Variants in XKR4 observed in about 807,000 individuals in gnomAD.
The protein encoded by XKR4 is XK related 4, also known as XK-related protein 4.
In XKR4, 12 loss-of-function variants were observed where a neutral mutation model predicts 53.9. The ratio of observed to expected loss-of-function variants is 0.22; its 90% confidence interval spans 0.14 to 0.36. XKR4 has a LOEUF of 0.36. Among genes scored for constraint, XKR4 ranks in the 10% least tolerant of loss-of-function variants. The pLI is 1.00. For synonymous variants in XKR4, 354 were observed against 362.4 expected (o/e 0.98, Z 0.26); for missense variants, 799 against 859.5 (o/e 0.93, Z 0.88).
At chr8:55,144,386 A>G (rs1026675398) in intron 1 of XKR4, among the ~76,000 whole-genome samples, 5 of 152,118 alleles carry the variant, frequency 3.3e-5, no homozygotes, top group African/African-American at 7.2e-5. Context: ...TAAAAAAAAA[A>G]TTCTATAATA....
intron 2 of XKR4, among the ~76,000 whole-genome samples, chr8:55,476,738 G>A (rs1229006530): frequency 1.3e-5 from 2 of 152,068 alleles, no homozygotes; most frequent in East Asian, 1.9e-4. Context: ...CACACCAGGA[G>A]ATTATATCCC....
At chr8:55,244,613 T>A (rs1282909841) in intron 1 of XKR4, among the ~76,000 whole-genome samples, 1 of 152,222 alleles carries the variant, frequency 6.6e-6, no homozygotes, top group Non-Finnish European at 1.5e-5. Flanking sequence ...AAATGGTAGT[T>A]CTGTTTTAAG....
At chr8:55,430,412 C>A (rs559389757) in intron 2 of XKR4, among the ~76,000 whole-genome samples, 2 of 152,212 alleles carry the variant, frequency 1.3e-5, no homozygotes, top group Admixed American at 6.5e-5. Context: ...TTCCTTCAAC[C>A]GGTGCATTAA....
At chr8:55,156,335 C>T (rs1001973003) in intron 1 of XKR4, among the ~76,000 whole-genome samples, 3 of 150,720 alleles carry the variant, frequency 2.0e-5, no homozygotes, top group Non-Finnish European at 2.9e-5. Flanking sequence ...CAAATGACCG[C>T]GTAAAGACTC....
chr8:55,369,518 GGA>G (rs201863082), intron 2 of XKR4, among the ~76,000 whole-genome samples: 1 of 136,924 alleles, frequency 7.3e-6, no homozygotes, highest in African/African-American at 2.8e-5. Flanking sequence ...GAAAAGGGAA[GGA>G]GAGGGAAGGA....
chr8:55,458,629 G>A (rs1805605642), intron 2 of XKR4, among the ~76,000 whole-genome samples: 1 of 152,212 alleles, frequency 6.6e-6, no homozygotes, highest in African/African-American at 2.4e-5. Context: ...GTGGGATGGG[G>A]AGCTGGAAAG....
rs766471717 is a variant in XKR4, at chr8:55,467,559, T to C, written c.1007-55722T>C. Among the ~76,000 whole-genome samples, 14 of 152,106 alleles carry C rather than the reference T, an allele frequency of 9.2e-5. 1 individual carries two copies. The highest frequency in any genetic ancestry group is 2.0e-4 in the Admixed American group (3 of 15,268). ...CCCTCCCACAAAGAATTTGCAAATT[T>C]ATTAAGATTTATGATTTAAATTGCC... is the stretch of plus-strand genomic sequence containing the variant. On this transcript the variant is annotated intron_variant, in intron 2 of 2. Transcript: ENST00000327381.
intron 1 of XKR4, among the ~76,000 whole-genome samples, chr8:55,340,306 T>C (rs982008174): frequency 6.6e-6 from 1 of 152,234 alleles, no homozygotes; most frequent in African/African-American, 2.4e-5. Context: ...CATTGGTTCT[T>C]GACACATTGT....
chr8:55,313,293 A>G (rs1819413202), intron 1 of XKR4, among the ~76,000 whole-genome samples: 1 of 152,244 alleles, frequency 6.6e-6, no homozygotes, highest in African/African-American at 2.4e-5. Context: ...GCAAGGAGCT[A>G]TAACATTGAT....
chr8:55,225,690 A>G (rs1817942820), intron 1 of XKR4, among the ~76,000 whole-genome samples: 2 of 152,236 alleles, frequency 1.3e-5, no homozygotes, highest in Admixed American at 6.5e-5. Flanking sequence ...ACATGAACGT[A>G]TGCACATCAA....
At chr8:55,377,868 T>C (rs1235888865) in intron 2 of XKR4, among the ~76,000 whole-genome samples, 1 of 152,194 alleles carries the variant, frequency 6.6e-6, no homozygotes, top group African/African-American at 2.4e-5. Flanking sequence ...TTAGATTTTC[T>C]TCAACCTTGT....
intron 1 of XKR4, among the ~76,000 whole-genome samples, chr8:55,300,660 G>C (rs544128270): frequency 2.0e-5 from 3 of 152,116 alleles, no homozygotes; most frequent in Non-Finnish European, 4.4e-5. Context: ...GCAAGCATGC[G>C]GAAATAGCCC....
At chr8:55,507,803 A>G (rs1268157038) in intron 2 of XKR4, among the ~76,000 whole-genome samples, 1 of 152,198 alleles carries the variant, frequency 6.6e-6, no homozygotes, top group Admixed American at 6.5e-5. Context: ...ATGCCGCAAT[A>G]AACATACGTG....
chr8:55,215,912 G>A lies in XKR4; in HGVS notation c.806+112618G>A, dbSNP rs183560829. 9.3e-4 allele frequency among the ~76,000 whole-genome samples: 142 copies of A among 152,218 alleles called. 1 individual carries two copies. The highest frequency in any genetic ancestry group is 3.1e-3 in the South Asian group (15 of 4,824). On this transcript the variant is annotated intron_variant, in intron 1 of 2. Transcript: ENST00000327381. ...AGAACACAAAATAAATAATGATGGC[G>A]ATTGAAAAGAAACTGTTTTCTTGTA...
At chr8:55,172,690 G>C (rs1817178882) in intron 1 of XKR4, among the ~76,000 whole-genome samples, 1 of 152,196 alleles carries the variant, frequency 6.6e-6, no homozygotes, top group Non-Finnish European at 1.5e-5. Flanking sequence ...CAGGTTTACA[G>C]TCTGTCTGTT....
intron 1 of XKR4, among the ~76,000 whole-genome samples, chr8:55,328,224 A>G (rs140193061): frequency 1.2e-3 from 189 of 152,272 alleles, no homozygotes; most frequent in African/African-American, 4.3e-3. Flanking sequence ...GTGGGGACTC[A>G]GTCAAACCAT....
At chr8:55,318,609 G>C (rs911029104) in intron 1 of XKR4, among the ~76,000 whole-genome samples, 2 of 152,108 alleles carry the variant, frequency 1.3e-5, no homozygotes, top group African/African-American at 4.8e-5. Flanking sequence ...ATTAATGCTT[G>C]CTACCTGGAA....
intron 1 of XKR4, among the ~76,000 whole-genome samples, chr8:55,344,095 G>T (rs1477549179): frequency 6.6e-6 from 1 of 152,044 alleles, no homozygotes; most frequent in African/African-American, 2.4e-5. Flanking sequence ...GGACCTCAGG[G>T]CCACCAGAAA....
intron 1 of XKR4, among the ~76,000 whole-genome samples, chr8:55,292,552 C>G (rs905363225): frequency 2.0e-5 from 3 of 152,084 alleles, no homozygotes; most frequent in African/African-American, 7.2e-5. Context: ...TTTACCCAAA[C>G]TTGATAAAGA....
Sources: gnomAD v4.1 joint callset for allele counts (sites outside exome capture counted in the v4.1 genomes callset) on GRCh38, gnomAD v4.1.1 for gene constraint, MANE v1.5 for transcripts, NCBI Gene and HGNC (gene_info 2026-07-23, HGNC 2026-07-21) for gene names.